RANBP17: variants seen among roughly 807,000 people sequenced by gnomAD.
RANBP17 encodes ran-binding protein 17.
In RANBP17, 158 loss-of-function variants were observed where a neutral mutation model predicts 141.2. The observed-to-expected ratio is 1.12, with a 90% CI of 0.98 to 1.28. The LOEUF (loss-of-function observed/expected upper bound fraction) is 1.28. Among genes scored for constraint, RANBP17 ranks in the 50% most tolerant of loss-of-function variants. The pLI, the probability that RANBP17 is intolerant of heterozygous loss-of-function variation, is 0.00. For missense variants in RANBP17, 1,438 were observed against 1,290.7 expected, an observed-to-expected ratio of 1.11 and a Z score of -1.75; for synonymous variants, 430 against 450.0, an observed-to-expected ratio of 0.96 and a Z score of 0.56.
At chr5:171,029,608 A>G (rs1317969559) in intron 14 of RANBP17, among the ~76,000 whole-genome samples, 2 of 152,110 alleles carry the variant, frequency 1.3e-5, no homozygotes, top group Non-Finnish European at 2.9e-5. Flanking sequence ...ATATGCTAGT[A>G]ATAAGAAACT....
chr5:171,274,339 A>T (rs1468891590), intron 25 of RANBP17, among the ~76,000 whole-genome samples: 2 of 152,150 alleles, frequency 1.3e-5, no homozygotes, highest in African/African-American at 4.8e-5. Flanking sequence ...CTTATAATTT[A>T]AAAATAGAGA....
chr5:170,915,757 C>G (rs767708735), intron 8 of RANBP17, among the ~76,000 whole-genome samples: 10 of 152,126 alleles, frequency 6.6e-5, no homozygotes, highest in Middle Eastern at 3.4e-3. Context: ...CCCTGCCCCC[C>G]CCAACAGGAT....
intron 1 of RANBP17, among the ~76,000 whole-genome samples, chr5:170,870,524 C>T (rs1767633707): frequency 6.6e-6 from 1 of 152,184 alleles, no homozygotes; most frequent in Non-Finnish European, 1.5e-5. Context: ...CCAGCTTCAT[C>T]CATGTCCCAG....
chr5:171,174,442 A>G (rs770194771), intron 16 of RANBP17, among the ~76,000 whole-genome samples: 30 of 152,196 alleles, frequency 2.0e-4, no homozygotes, highest in Non-Finnish European at 2.8e-4. Flanking sequence ...TCCTGGGAAA[A>G]CTGGAGAGAG....
chr5:171,168,050 T>C (rs1391388857), intron 14 of RANBP17, among the ~76,000 whole-genome samples: 1 of 152,180 alleles, frequency 6.6e-6, no homozygotes, highest in African/African-American at 2.4e-5. Flanking sequence ...AGCCACGTAG[T>C]ATTCACTTGA....
At chr5:170,933,958 C>T (rs1485044529) in intron 12 of RANBP17, among the ~76,000 whole-genome samples, 1 of 152,072 alleles carries the variant, frequency 6.6e-6, no homozygotes, top group Non-Finnish European at 1.5e-5. Flanking sequence ...AGTTCAATTC[C>T]TGGATATCCT....
At chr5:170,868,308 G>C (rs1379747615) in intron 1 of RANBP17, among the ~76,000 whole-genome samples, 1 of 152,130 alleles carries the variant, frequency 6.6e-6, no homozygotes, top group South Asian at 2.1e-4. Context: ...GAGTGCAGTG[G>C]TGGGATCTTG....
chr5:171,059,715 C>T (rs1285727218), intron 14 of RANBP17, among the ~76,000 whole-genome samples: 1 of 143,498 alleles, frequency 7.0e-6, no homozygotes, highest in Non-Finnish European at 1.5e-5. Flanking sequence ...TCATTGGTAG[C>T]TTGATGGGGA....
intron 22 of RANBP17, among the ~76,000 whole-genome samples, chr5:171,231,830 T>G (rs931228366): frequency 6.6e-6 from 1 of 152,136 alleles, no homozygotes; most frequent in African/African-American, 2.4e-5. Flanking sequence ...GATCTAATAA[T>G]GGAAATAATC....
chr5:171,024,992 G>A (rs1439328792), intron 14 of RANBP17, among the ~76,000 whole-genome samples: 1 of 152,022 alleles, frequency 6.6e-6, no homozygotes, highest in Non-Finnish European at 1.5e-5. Context: ...TGAAAAAGCT[G>A]CTTTACCTTT....
intron 14 of RANBP17, among the ~76,000 whole-genome samples, chr5:171,057,304 T>A (rs1032005788): frequency 6.6e-6 from 1 of 152,194 alleles, no homozygotes; most frequent in African/African-American, 2.4e-5. Flanking sequence ...GGTTCCTGTG[T>A]TCCTTTTTAT....
chr5:170,965,604 G>A (rs1416847594), intron 13 of RANBP17, among the ~76,000 whole-genome samples: 1 of 152,078 alleles, frequency 6.6e-6, no homozygotes, highest in African/African-American at 2.4e-5. Context: ...TCCAGTTTCA[G>A]CTTTCTATAT....
intron 14 of RANBP17, among the ~76,000 whole-genome samples, chr5:171,139,991 T>C (rs1475507295): frequency 4.0e-5 from 6 of 150,540 alleles, no homozygotes; most frequent in Admixed American, 3.9e-4. Context: ...CAGCATAAAC[T>C]CTCTTATAAC....
chr5:170,959,843 G>A (rs1329833652), intron 13 of RANBP17, among the ~76,000 whole-genome samples: 1 of 152,116 alleles, frequency 6.6e-6, no homozygotes, highest in African/African-American at 2.4e-5. Flanking sequence ...TAAACATTGG[G>A]TAGGCTTAAA....
chr5:171,239,002 C>A, intron 22 of RANBP17, among the ~76,000 whole-genome samples: 1 of 152,144 alleles, frequency 6.6e-6, no homozygotes, highest in Admixed American at 6.6e-5. Context: ...TCCCTCAGGG[C>A]AGAGATTTTA....
At chr5:170,925,408 T>A (rs1490969174) in intron 12 of RANBP17, among the ~76,000 whole-genome samples, 1 of 152,150 alleles carries the variant, frequency 6.6e-6, no homozygotes, top group Non-Finnish European at 1.5e-5. Flanking sequence ...TTTTATGGGA[T>A]CTTATTTGTA....
intron 14 of RANBP17, among the ~76,000 whole-genome samples, chr5:171,040,348 CA>C (rs1293111398): frequency 2.0e-5 from 3 of 152,080 alleles, no homozygotes; most frequent in African/African-American, 7.2e-5. Flanking sequence ...GAGTCAGAGC[CA>C]GGGACTTTCT....
intron 20 of RANBP17, among the ~76,000 whole-genome samples, chr5:171,212,963 A>C (rs1439807493): frequency 1.3e-5 from 2 of 152,162 alleles, no homozygotes; most frequent in African/African-American, 4.8e-5. Flanking sequence ...ATGTTAGAGA[A>C]TGTCTCCTTG....
intron 1 of RANBP17, among the ~76,000 whole-genome samples, chr5:170,867,814 T>A (rs1767385316): frequency 6.6e-6 from 1 of 152,206 alleles, no homozygotes; most frequent in Non-Finnish European, 1.5e-5. Context: ...GCCATATGTA[T>A]ACATCTGTGA....
Sources: gnomAD v4.1 joint callset for allele counts (sites outside exome capture counted in the v4.1 genomes callset) on GRCh38, gnomAD v4.1.1 for gene constraint, MANE v1.5 for transcripts, NCBI Gene and HGNC (gene_info 2026-07-23, HGNC 2026-07-21) for gene names.